Variants in RAD54L2 observed in about 807,000 individuals in gnomAD.
RAD54L2 encodes the protein RAD54 like 2.
RAD54L2 carries 27 observed loss-of-function variants against 138.4 expected under a neutral mutation model. The ratio of observed to expected loss-of-function variants is 0.20; its 90% CI spans 0.14 to 0.27. The LOEUF (loss-of-function observed/expected upper bound fraction) is 0.27, where lower values mean the gene tolerates loss of function less well. Ranked by LOEUF, RAD54L2 falls within the 10% of genes least tolerant of loss-of-function variation. The pLI, the probability that RAD54L2 is intolerant of heterozygous loss-of-function variation, is 1.00. For missense variants in RAD54L2, 1,396 were observed against 1,890.2 expected, an observed-to-expected ratio of 0.74 and a Z score of 4.85; for synonymous variants, 644 against 723.2, an observed-to-expected ratio of 0.89 and a Z score of 1.76.
At position 51,635,756 on chromosome 3, in the gene RAD54L2, G is replaced by A. The variant is rs1203637634; in HGVS notation, c.1306G>A (p.Asp436Asn). Reference protein sequence around the residue: ...KRSHPVIIDLDEEDRQQEFRR... With the variant: ...KRSHPVIIDLNEEDRQQEFRR... ...TTCTCACCCAGTCATCATTGATCTA[G>A]ATGAGGAAGATCGGCAGCAGGAGTT... Residue 436 changes from aspartate to asparagine, a missense_variant, in exon 10 of 23, where the codon GAT becomes AAT. This residue lies in a region of RAD54L2 where 169 missense variants were observed against 235.6 expected (regional missense o/e 0.72). Transcript: ENST00000684192. 2 of 1,612,770 alleles carry A rather than the reference G, an allele frequency of 1.2e-6. No homozygotes were observed. Among genetic ancestry groups the A allele is most frequent in the South Asian group, 1.1e-5 (1 of 90,700 alleles).
At chr3:51,565,618 G>A (rs1699197532) in intron 2 of RAD54L2, among the ~76,000 whole-genome samples, 1 of 151,984 alleles carries the variant, frequency 6.6e-6, no homozygotes. Context: ...GATTACAGGT[G>A]CGTGCCACCA....
Position 51,627,713 on chromosome 3 carries a change from G to C in RAD54L2, c.300G>C (p.Lys100Asn), listed in dbSNP as rs1700723733. 2.5e-6 allele frequency: 4 copies of C among 1,613,856 alleles called. No individual in the cohort carries two copies. Among genetic ancestry groups the C allele is most frequent in the African/African-American group, 1.3e-5 (1 of 75,062 alleles). Residue 100 changes from lysine to asparagine, a missense_variant, in exon 4 of 23, where the codon AAG becomes AAC. Coordinates refer to ENST00000684192, the MANE Select transcript of RAD54L2 (RefSeq NM_015106.4). ...ACCTAGCCTCCGAGGACCCCAAAAA[G>C]AAGAGAGCTCAGAAGCCCTCCCACA... is the stretch of plus-strand genomic sequence containing the variant. ...GKNLASEDPK[K>N]KRAQKPSHMR...
In RAD54L2 at chr3:51,662,852, C is replaced by T. The variant is rs781525636; in HGVS notation, c.3836C>T (p.Ala1279Val). The change falls in exon 23 of 23, where the codon GCC becomes GTC. Residue 1279 changes from alanine (A) to valine (V), a missense_variant. Ala to Val is a moderately conservative substitution (Grantham distance 64). Around this residue, in one of 7 missense-constraint regions of RAD54L2, gnomAD observed 634 missense variants for 711.2 expected, o/e 0.89. Transcript: ENST00000684192. This position sits in a 1 kb window ranked among gnomAD's most constrained non-coding sequence, Gnocchi z 4.6. ...RRRSRKGHLPAPVQPYEHGYP... is the reference protein window; with the variant it reads ...RRRSRKGHLPVPVQPYEHGYP... ...CGGTCCAGGAAGGGTCATCTGCCAG[C>T]CCCCGTGCAGCCGTATGAACACGGG... 1.2e-5 allele frequency: 19 copies of T among 1,613,370 alleles called. No individual in the cohort carries two copies. The Admixed American group carries it at 3.2e-4, about 27-fold the overall frequency.
chr3:51,539,125 C>T (rs1158988823), intron 1 of RAD54L2, among the ~76,000 whole-genome samples: 1 of 152,156 alleles, frequency 6.6e-6, no homozygotes, highest in African/African-American at 2.4e-5. Flanking sequence ...GGCCTCGACC[C>T]GGGGCCTCAG....
At chr3:51,647,487 G>C (rs867154882) in intron 19 of RAD54L2, among the ~76,000 whole-genome samples, 1 of 152,108 alleles carries the variant, frequency 6.6e-6, no homozygotes, top group Admixed American at 6.6e-5. Context: ...TTCCAACATG[G>C]AGAAACCCCC....
intron 1 of RAD54L2, among the ~76,000 whole-genome samples, 139 bp downstream of exon 1, chr3:51,539,054 T>C (rs1381458204): frequency 1.3e-5 from 2 of 152,156 alleles, no homozygotes; most frequent in Non-Finnish European, 2.9e-5. Flanking sequence ...GCCCGGGCCT[T>C]CGGGGCACGG....
At chr3:51,614,276 G>A (rs917418245) in intron 3 of RAD54L2, among the ~76,000 whole-genome samples, 1 of 151,656 alleles carries the variant, frequency 6.6e-6, no homozygotes, top group African/African-American at 2.4e-5. Context: ...ATCCTCTCAT[G>A]TTAGCCTTCC....
At chr3:51,543,269 T>C (rs1698599661) in intron 2 of RAD54L2, among the ~76,000 whole-genome samples, 2 of 152,130 alleles carry the variant, frequency 1.3e-5, no homozygotes, top group South Asian at 4.1e-4. Context: ...GCAGTCTTGC[T>C]GTAGTCAAAT....
intron 2 of RAD54L2, among the ~76,000 whole-genome samples, chr3:51,555,086 G>A (rs906096761): frequency 9.9e-5 from 15 of 151,952 alleles, no homozygotes; most frequent in African/African-American, 3.1e-4. Context: ...CAAGTGACCC[G>A]CCCACATCGG....
Position 51,630,905 on chromosome 3 carries a change from T to G in RAD54L2, c.799T>G (p.Leu267Val). 1.2e-6 allele frequency: 2 copies of G among 1,613,488 alleles called. No individual in the cohort carries two copies. The highest frequency in any genetic ancestry group is 1.1e-5 in the South Asian group (1 of 91,044). Residue 267 changes from leucine (L) to valine (V), a missense_variant, in exon 7 of 23, where the codon TTG (leucine) becomes GTG (valine). Leu to Val is a conservative substitution (Grantham distance 32). Transcript: ENST00000684192. The stretch of plus-strand genomic sequence containing the variant: ...GGAAAATGTCTTCCTTGCCCCACAG[T>G]TGGCACGGGCTGTGAAACCTCATCA... ...EEENVFLAPQ[L>V]ARAVKPHQIG...
At chr3:51,661,915 A>T (rs1450581671) in intron 22 of RAD54L2, among the ~76,000 whole-genome samples, 1 of 152,242 alleles carries the variant, frequency 6.6e-6, no homozygotes, top group Non-Finnish European at 1.5e-5. Flanking sequence ...TCCTAGCCAC[A>T]ATATCATTAT....
At chr3:51,543,298 G>A (rs887988575) in intron 2 of RAD54L2, among the ~76,000 whole-genome samples, 24 of 152,082 alleles carry the variant, frequency 1.6e-4, no homozygotes, top group Middle Eastern at 3.2e-3. Flanking sequence ...CATTCTGCTG[G>A]TCTTTAATTC....
chr3:51,553,617 A>G (rs1262507840), intron 2 of RAD54L2, among the ~76,000 whole-genome samples: 1 of 152,196 alleles, frequency 6.6e-6, no homozygotes, highest in African/African-American at 2.4e-5. Context: ...ACTTGAGGCC[A>G]GAAGTTCAAG....
Position 51,662,803 on chromosome 3 carries a change from G to T in RAD54L2, c.3787G>T (p.Ala1263Ser). The T allele has an allele frequency of 6.2e-7, 1 of 1,611,036 alleles. No homozygotes were observed. The highest frequency in any genetic ancestry group is 8.5e-7 in the Non-Finnish European group (1 of 1,178,650). Reference sequence around the variant, plus strand: ...CAAGCGAAAGTTGGCCACACCACCTGCTGCCCAGGAGTCATCCCGCCGGCG... The same window carrying T: ...CAAGCGAAAGTTGGCCACACCACCTTCTGCCCAGGAGTCATCCCGCCGGCG... The part of the protein sequence containing the change: ...GHKRKLATPP[A>S]AQESSRRRSR... The change falls in exon 23 of 23, where the codon GCT (alanine) becomes TCT (serine). Residue 1263 changes from alanine to serine, a missense_variant. Ala to Ser is a moderately conservative substitution (Grantham distance 99). Around this residue, in one of 7 missense-constraint regions of RAD54L2, gnomAD observed 634 missense variants for 711.2 expected, o/e 0.89. Coordinates refer to ENST00000684192, the MANE Select transcript of RAD54L2 (RefSeq NM_015106.4). The surrounding 1 kb of genome is among the most constrained non-coding windows in gnomAD (Gnocchi z 4.6).
intron 2 of RAD54L2, among the ~76,000 whole-genome samples, chr3:51,560,474 C>G (rs1214280608): frequency 6.6e-6 from 1 of 151,770 alleles, no homozygotes; most frequent in Non-Finnish European, 1.5e-5. Flanking sequence ...ATTCTCCTTC[C>G]TCAGCCTCCT....
chr3:51,585,778 C>T (rs1056382347), intron 2 of RAD54L2, among the ~76,000 whole-genome samples: 8 of 152,236 alleles, frequency 5.3e-5, no homozygotes, highest in African/African-American at 1.2e-4. Flanking sequence ...CTTTTCAGAG[C>T]GGTCCTCTTT....
intron 1 of RAD54L2, among the ~76,000 whole-genome samples, chr3:51,539,526 G>A (rs1180476967): frequency 2.0e-5 from 3 of 152,172 alleles, no homozygotes; most frequent in Non-Finnish European, 4.4e-5. Context: ...GACGAGGAGT[G>A]GTTTTCAGGC....
At chr3:51,611,808 G>A (rs929314582) in intron 3 of RAD54L2, among the ~76,000 whole-genome samples, 41 of 151,948 alleles carry the variant, frequency 2.7e-4, no homozygotes, top group African/African-American at 9.9e-4. Context: ...CACCCGCCTC[G>A]GGCTCCCAAA....
chr3:51,550,761 T>C (rs1056390815), intron 2 of RAD54L2, among the ~76,000 whole-genome samples: 1 of 151,904 alleles, frequency 6.6e-6, no homozygotes, highest in African/African-American at 2.4e-5. Flanking sequence ...GTAAATAAAG[T>C]CCAGGCACGG....
Sources: gnomAD v4.1 joint callset for allele counts (sites outside exome capture counted in the v4.1 genomes callset) on GRCh38, gnomAD v4.1.1 for gene constraint, gnomAD v4.1.1 regional missense constraint, Gnocchi (gnomAD v3.1) non-coding constraint, MANE v1.5 for transcripts, NCBI Gene and HGNC (gene_info 2026-07-23, HGNC 2026-07-21) for gene names.